NOCT: variants seen among roughly 807,000 people sequenced by gnomAD.
NOCT encodes nocturnin.
In NOCT, 18 loss-of-function variants were observed where a neutral mutation model predicts 35.0. The observed-to-expected ratio is 0.51, with a 90% CI of 0.36 to 0.76. The LOEUF is 0.76. Among genes scored for constraint, NOCT ranks in the 30% least tolerant of loss-of-function variants. The pLI, the probability that NOCT is intolerant of heterozygous loss-of-function variation, is 0.01. For synonymous variants in NOCT, 235 were observed against 226.3 expected (o/e 1.04, Z -0.34); for missense variants, 479 against 541.0 (o/e 0.89, Z 1.14).
rs1388782434 is a variant in NOCT at position 139,016,100 on chromosome 4, G to T, written c.119G>T (p.Arg40Met). The change falls in exon 1 of 3, where the codon AGG (arginine) becomes ATG (methionine). Residue 40 changes from arginine (R) to methionine (M), a missense_variant. Physicochemically the swap from Arg to Met is moderately conservative, Grantham distance 91. This residue lies in a region of NOCT where 265 missense variants were observed against 257.0 expected (regional missense o/e 1.03). Transcript: ENST00000280614. ...RPLSPPAAVP[R>M]PASPRLLAAA... ...TTGTCCCCGCCGGCTGCTGTTCCCA[G>T]GCCCGCATCCCCCCGGCTGCTGGCG... 3 of 1,337,692 alleles carry T rather than the reference G, an allele frequency of 2.2e-6. No individual in the cohort carries two copies. Among genetic ancestry groups the T allele is most frequent in the Non-Finnish European group, 2.9e-6 (3 of 1,043,634 alleles). 82.9% of individuals were successfully genotyped at this position (1,337,692 alleles called of 1,614,324 possible).
intron 1 of NOCT, among the ~76,000 whole-genome samples, chr4:139,040,546 C>G (rs529052832): frequency 2.6e-5 from 4 of 152,216 alleles, no homozygotes; most frequent in Admixed American, 1.3e-4. Flanking sequence ...ACGTTTGACT[C>G]CCATTGGACA....
intron 1 of NOCT, among the ~76,000 whole-genome samples, chr4:139,025,271 C>T (rs903844717): frequency 2.0e-5 from 3 of 152,136 alleles, no homozygotes; most frequent in East Asian, 1.9e-4. Context: ...CATTCTTGAA[C>T]GAATTGCCCT....
intron 1 of NOCT, among the ~76,000 whole-genome samples, chr4:139,031,170 G>T (rs1726616648): frequency 6.7e-6 from 1 of 150,236 alleles, no homozygotes; most frequent in Non-Finnish European, 1.5e-5. Context: ...TTTTTTTTGA[G>T]ATGGAGTCTC....
chr4:139,043,483 C>G, intron 2 of NOCT, 140 bp downstream of exon 2: 1 of 768,446 alleles, frequency 1.3e-6, no homozygotes, highest in East Asian at 2.5e-5. Context: ...TGGAGAGCTC[C>G]TAGAAGAGGT....
intron 1 of NOCT, among the ~76,000 whole-genome samples, chr4:139,032,659 T>G (rs1305033914): frequency 6.6e-6 from 1 of 152,170 alleles, no homozygotes; most frequent in African/African-American, 2.4e-5. Flanking sequence ...AGCAGAGGTT[T>G]TGTCAAGATT....
At chr4:139,018,161 A>T (rs1578622960) in intron 1 of NOCT, among the ~76,000 whole-genome samples, 1 of 149,430 alleles carries the variant, frequency 6.7e-6, no homozygotes, top group East Asian at 2.0e-4. Context: ...ATTGCCTGAT[A>T]ACTTTTTTCT....
chr4:139,031,591 T>C (rs758080836), intron 1 of NOCT, among the ~76,000 whole-genome samples: 3 of 152,184 alleles, frequency 2.0e-5, no homozygotes, highest in Non-Finnish European at 4.4e-5. Flanking sequence ...ATTTTCCTTA[T>C]GGTCGCATTC....
intron 1 of NOCT, among the ~76,000 whole-genome samples, chr4:139,023,092 C>T (rs1239659750): frequency 6.6e-6 from 1 of 151,412 alleles, no homozygotes. Flanking sequence ...CACAGCAAGA[C>T]TCCATCTCAA....
In NOCT at chr4:139,044,774, A is replaced by G. The variant is rs1175324619; in HGVS notation, c.596A>G (p.Tyr199Cys). The G allele has an allele frequency of 1.2e-6, 2 of 1,614,046 alleles. No homozygotes were observed. Among genetic ancestry groups the G allele is most frequent in the East Asian group, 2.2e-5 (1 of 44,902 alleles). Residue 199 changes from tyrosine to cysteine, a missense_variant, in exon 3 of 3, where the codon TAT becomes TGT. Physicochemically the swap from Tyr to Cys is radical, Grantham distance 194. Around this residue, in one of 2 missense-constraint regions of NOCT, gnomAD observed 214 missense variants for 284.0 expected, o/e 0.75. Transcript: ENST00000280614. Reference sequence around the variant, plus strand: ...TTGTGCCTCCAAGAGGTGGACCACTATTTTGACACCTTCCAGCCACTCCTC... The same window carrying G: ...TTGTGCCTCCAAGAGGTGGACCACTGTTTTGACACCTTCCAGCCACTCCTC... ...DILCLQEVDH[Y>C]FDTFQPLLSR... is the part of the protein sequence containing the mutation.
intron 1 of NOCT, among the ~76,000 whole-genome samples, chr4:139,022,543 T>C (rs1377684229): frequency 6.6e-6 from 1 of 152,080 alleles, no homozygotes; most frequent in African/African-American, 2.4e-5. Context: ...TGACATAGGC[T>C]CCGGGTAGAC....
chr4:139,033,702 A>G (rs951416740), intron 1 of NOCT, among the ~76,000 whole-genome samples: 7 of 151,674 alleles, frequency 4.6e-5, no homozygotes, highest in African/African-American at 1.5e-4. Context: ...GGGGAATGTA[A>G]AGTTGTTTTT....
At chr4:139,023,815 T>C (rs749359803) in intron 1 of NOCT, among the ~76,000 whole-genome samples, 1 of 152,126 alleles carries the variant, frequency 6.6e-6, no homozygotes, top group African/African-American at 2.4e-5. Flanking sequence ...TTAAAGACCA[T>C]TGTGAGTATT....
chr4:139,040,698 T>C (rs1322666064), intron 1 of NOCT, among the ~76,000 whole-genome samples: 1 of 152,200 alleles, frequency 6.6e-6, no homozygotes, highest in Non-Finnish European at 1.5e-5. Flanking sequence ...GCCCAGAGCC[T>C]GACAGGTGTC....
intron 1 of NOCT, among the ~76,000 whole-genome samples, chr4:139,034,861 C>T (rs900084813): frequency 2.0e-5 from 3 of 152,138 alleles, no homozygotes; most frequent in African/African-American, 7.2e-5. Context: ...GTGCCCGGCT[C>T]ATGTTCTCCT....
At chr4:139,021,222 G>A (rs1038150956) in intron 1 of NOCT, among the ~76,000 whole-genome samples, 20 of 151,958 alleles carry the variant, frequency 1.3e-4, no homozygotes, top group Non-Finnish European at 1.8e-4. Flanking sequence ...GGCTGGTCTC[G>A]AAATCCTGGG....
chr4:139,043,254 G>A lies in NOCT; in HGVS notation c.371G>A (p.Arg124Gln), dbSNP rs757599894. The A allele has an allele frequency of 7.4e-6, 12 of 1,613,986 alleles. No individual in the cohort carries two copies. Among genetic ancestry groups the A allele is most frequent in the African/African-American group, 4.0e-5 (3 of 74,908 alleles). Residue 124 changes from arginine (R) to glutamine (Q), a missense_variant, in exon 2 of 3, where the codon CGG (arginine) becomes CAG (glutamine). Arg to Gln is a conservative substitution (Grantham distance 43, BLOSUM62 1). Around this residue, in one of 2 missense-constraint regions of NOCT, gnomAD observed 265 missense variants for 257.0 expected, o/e 1.03. Transcript: ENST00000280614. ...GCCGTCCTGCACACCCGACCTCCCC[G>A]GTTCCAGAGGGATTTTGTGGATCTG... ...CRAVLHTRPP[R>Q]FQRDFVDLRT...
chr4:139,033,695 G>C (rs1318292757), intron 1 of NOCT, among the ~76,000 whole-genome samples: 2 of 151,864 alleles, frequency 1.3e-5, no homozygotes, highest in Non-Finnish European at 1.5e-5. Flanking sequence ...AAAAAAGGGG[G>C]AATGTAAAGT....
chr4:139,016,830 A>G (rs989183919), intron 1 of NOCT, among the ~76,000 whole-genome samples: 2 of 150,972 alleles, frequency 1.3e-5, no homozygotes, highest in Admixed American at 6.6e-5. Context: ...ACTTTTGTAT[A>G]TTTAGTAGAG....
At chr4:139,024,708 C>T (rs1223689313) in intron 1 of NOCT, among the ~76,000 whole-genome samples, 1 of 152,174 alleles carries the variant, frequency 6.6e-6, no homozygotes, top group Non-Finnish European at 1.5e-5. Context: ...CCTCCCACCT[C>T]AGCCTCCCAA....
Sources: allele counts gnomAD v4.1 joint callset (sites outside exome capture counted in the v4.1 genomes callset), GRCh38; gene constraint gnomAD v4.1.1; regional missense constraint gnomAD v4.1.1; transcripts MANE v1.5; gene names NCBI Gene and HGNC (gene_info 2026-07-23, HGNC 2026-07-21).